Variants in RABGAP1L observed in about 807,000 individuals in gnomAD.
The protein encoded by RABGAP1L is rab GTPase-activating protein 1-like.
A neutral mutation model predicts 137.7 loss-of-function variants in RABGAP1L; 63 were observed. The ratio of observed to expected loss-of-function variants is 0.46; its 90% confidence interval spans 0.37 to 0.56. RABGAP1L has a LOEUF of 0.56. Among genes scored for constraint, RABGAP1L ranks in the 20% least tolerant of loss-of-function variants. The pLI is 0.00. For missense variants in RABGAP1L, 1,095 were observed against 1,244.0 expected (o/e 0.88, Z 1.80); for synonymous variants, 431 against 433.7 (o/e 0.99, Z 0.08).
At chr1:174,950,106 T>A (rs2149321655) in intron 19 of RABGAP1L, among the ~76,000 whole-genome samples, 1 of 152,308 alleles carries the variant, frequency 6.6e-6, no homozygotes, top group South Asian at 2.1e-4. Context: ...ACATGTCAGA[T>A]GAGATTAAAA....
Position 174,163,102 on chromosome 1 carries a change from G to A in RABGAP1L, c.-34+3445G>A, listed in dbSNP as rs1664640187. On this transcript the variant is annotated intron_variant, in intron 1 of 25. Transcript: ENST00000681986. ...TTTTGCCATTACAAACAGTGGAGGCGGAGAAAGTACGGACTTGAGCCTGAG... is the reference window on the plus strand; with the variant it reads ...TTTTGCCATTACAAACAGTGGAGGCAGAGAAAGTACGGACTTGAGCCTGAG... Among the ~76,000 whole-genome samples the A allele has an allele frequency of 8.5e-5, 13 of 152,156 alleles. No homozygotes were observed. The South Asian group carries it at 2.7e-3, about 32-fold the overall frequency.
intron 11 of RABGAP1L, among the ~76,000 whole-genome samples, chr1:174,327,988 T>TATAC (rs1558136240): frequency 4.4e-4 from 10 of 22,796 alleles, no homozygotes; most frequent in African/African-American, 1.2e-3. Flanking sequence ...TACACACACA[T>TATAC]ATATATATAT....
chr1:174,344,730 A>G (rs999959787), intron 11 of RABGAP1L, among the ~76,000 whole-genome samples: 4 of 152,200 alleles, frequency 2.6e-5, no homozygotes, highest in African/African-American at 9.7e-5. Flanking sequence ...GTTATTAATA[A>G]TAAGGAAAAT....
chr1:174,201,963 C>G (rs1163776097), intron 1 of RABGAP1L, among the ~76,000 whole-genome samples: 3 of 151,924 alleles, frequency 2.0e-5, no homozygotes, highest in African/African-American at 7.3e-5. Flanking sequence ...CATCCATGTC[C>G]CTACAAAGGA....
intron 11 of RABGAP1L, among the ~76,000 whole-genome samples, chr1:174,337,712 T>G (rs1459728278): frequency 2.0e-5 from 3 of 152,210 alleles, no homozygotes; most frequent in African/African-American, 7.2e-5. Flanking sequence ...AAGAAAATTA[T>G]TGACATGAAA....
chr1:174,528,450 T>A (rs1237136913), intron 13 of RABGAP1L, among the ~76,000 whole-genome samples: 1 of 152,028 alleles, frequency 6.6e-6, no homozygotes, highest in East Asian at 1.9e-4. Context: ...TTTTTCTTCA[T>A]TTTTTAAGGA....
chr1:174,614,089 A>T (rs1289060906), intron 13 of RABGAP1L, among the ~76,000 whole-genome samples: 4 of 152,092 alleles, frequency 2.6e-5, no homozygotes. Context: ...TGTGAATTTG[A>T]TCCTGTCATT....
intron 13 of RABGAP1L, among the ~76,000 whole-genome samples, chr1:174,623,774 A>T (rs1403862084): frequency 6.6e-6 from 1 of 152,154 alleles, no homozygotes; most frequent in Non-Finnish European, 1.5e-5. Flanking sequence ...AGTCATAAAT[A>T]ACATTGTTAG....
chr1:174,835,984 T>A (rs1754352), intron 19 of RABGAP1L, among the ~76,000 whole-genome samples: 1 of 152,028 alleles, frequency 6.6e-6, no homozygotes, highest in East Asian at 1.9e-4. Context: ...CTAAAATGAC[T>A]GCATGGTTCA....
intron 13 of RABGAP1L, among the ~76,000 whole-genome samples, chr1:174,500,424 T>G (rs568585700): frequency 1.3e-5 from 2 of 152,264 alleles, no homozygotes; most frequent in East Asian, 3.9e-4. Context: ...TACCACATAC[T>G]GGCCCCCTCA....
intron 18 of RABGAP1L, among the ~76,000 whole-genome samples, chr1:174,762,782 G>A (rs945236023): frequency 6.9e-6 from 1 of 143,914 alleles, no homozygotes; most frequent in Non-Finnish European, 1.5e-5. Context: ...CAGGATAGCA[G>A]CTTTTTCAAC....
chr1:174,860,597 A>G (rs1650108173), intron 19 of RABGAP1L, among the ~76,000 whole-genome samples: 1 of 152,188 alleles, frequency 6.6e-6, no homozygotes, highest in Non-Finnish European at 1.5e-5. Context: ...TTGAAATTCC[A>G]CAGTAATTTT....
intron 19 of RABGAP1L, among the ~76,000 whole-genome samples, chr1:174,813,570 C>T (rs1320713753): frequency 2.0e-5 from 3 of 152,074 alleles, no homozygotes; most frequent in African/African-American, 7.2e-5. Context: ...AAGTAAGTAA[C>T]TGGGCAGAAA....
At chr1:174,317,787 G>A (rs1158083295) in intron 11 of RABGAP1L, among the ~76,000 whole-genome samples, 1 of 152,130 alleles carries the variant, frequency 6.6e-6, no homozygotes, top group Non-Finnish European at 1.5e-5. Context: ...AGCCCTTGGT[G>A]GCAAGGTCTG....
intron 13 of RABGAP1L, among the ~76,000 whole-genome samples, chr1:174,558,387 A>T (rs572075444): frequency 6.6e-6 from 1 of 152,182 alleles, no homozygotes; most frequent in African/African-American, 2.4e-5. Context: ...GAATCAATAT[A>T]TATAGCTTAA....
chr1:174,928,793 A>G (rs576426743), intron 19 of RABGAP1L, among the ~76,000 whole-genome samples: 1 of 152,202 alleles, frequency 6.6e-6, no homozygotes, highest in African/African-American at 2.4e-5. Flanking sequence ...ATTACTTGCT[A>G]TATACCAGGC....
chr1:174,838,681 G>A (rs1308115075), intron 19 of RABGAP1L, among the ~76,000 whole-genome samples: 2 of 152,000 alleles, frequency 1.3e-5, no homozygotes, highest in East Asian at 3.9e-4. Context: ...TGTAATCCCA[G>A]CACTTTGGGA....
At chr1:174,567,044 A>G (rs1396178869) in intron 13 of RABGAP1L, among the ~76,000 whole-genome samples, 1 of 152,076 alleles carries the variant, frequency 6.6e-6, no homozygotes, top group African/African-American at 2.4e-5. Context: ...TAAGTGTATA[A>G]TTACACTGAT....
chr1:174,421,070 A>G (rs535371754), intron 13 of RABGAP1L, among the ~76,000 whole-genome samples: 40 of 152,304 alleles, frequency 2.6e-4, no homozygotes, highest in Non-Finnish European at 1.2e-4. Context: ...CAAATTTTAC[A>G]AAAGTATATA....
Sources: allele counts gnomAD v4.1 joint callset (sites outside exome capture counted in the v4.1 genomes callset), GRCh38; gene constraint gnomAD v4.1.1; transcripts MANE v1.5; gene names NCBI Gene and HGNC (gene_info 2026-07-23, HGNC 2026-07-21).